The following ZMYND15 variants were observed in gnomAD, a reference collection of about 807,000 sequenced individuals.
ZMYND15 encodes the protein zinc finger MYND domain-containing protein 15.
A neutral mutation model predicts 81.7 loss-of-function variants in ZMYND15; 54 were observed. That is an observed-to-expected ratio of 0.66 (90% CI 0.53 to 0.83). ZMYND15 has a LOEUF of 0.83. ZMYND15 is among the 40% of genes least tolerant of loss of function. ZMYND15 has a pLI of 0.00. For synonymous variants in ZMYND15, 399 were observed against 387.0 expected, an observed-to-expected ratio of 1.03 and a Z score of -0.36; for missense variants, 925 against 973.5, an observed-to-expected ratio of 0.95 and a Z score of 0.66.
chr17:4,740,163 C>A, intron 1 of ZMYND15, 113 bp downstream of exon 1: 2 of 811,112 alleles, frequency 2.5e-6, no homozygotes, highest in Non-Finnish European at 1.5e-6. Context: ...ACAGACGCAT[C>A]CAAAATGCTT....
In ZMYND15 at chr17:4,744,141, G is replaced by T. The variant is rs368530247; in HGVS notation, c.1495+34G>T. 2 of 1,612,790 alleles carry T rather than the reference G, an allele frequency of 1.2e-6. No individual in the cohort carries two copies. The highest frequency in any genetic ancestry group is 1.7e-4 in the Middle Eastern group (1 of 6,060). On this transcript the variant is annotated intron_variant, in intron 8 of 13. Coordinates refer to ENST00000433935, the MANE Select transcript of ZMYND15 (RefSeq NM_001136046.3). The surrounding 1 kb of genome is among the most constrained non-coding windows in gnomAD (Gnocchi z 4.1). The stretch of plus-strand genomic sequence containing the variant: ...AGCGGAGTGGGGGGTGGAGCAGGAT[G>T]GGGGAGTGAGAGTGGACCACATCCT...
intron 5 of ZMYND15, 138 bp downstream of exon 5, chr17:4,742,629 A>AG: frequency 8.2e-7 from 1 of 1,212,336 alleles, no homozygotes; most frequent in Non-Finnish European, 1.1e-6. Context: ...GAACAAGGGC[A>AG]GGGGCTGGGT....
rs750129765 is a variant in ZMYND15 at position 4,743,836 on chromosome 17, G to A, written c.1367G>A (p.Arg456Gln). The change falls in exon 7 of 14, where the codon CGG becomes CAG. Residue 456 changes from arginine to glutamine, a missense_variant. Coordinates refer to ENST00000433935, the MANE Select transcript of ZMYND15 (RefSeq NM_001136046.3). This position sits in a 1 kb window ranked among gnomAD's most constrained non-coding sequence, Gnocchi z 4.3. ...LMPPVPPHPP[R>Q]GVFGSWQDYY... ...CCTCCTGTGCCCCCACATCCACCCC[G>A]GGGTGTTTTTGGTGAGCTGGAGGGG... is the stretch of plus-strand genomic sequence containing the variant. The A allele has an allele frequency of 2.5e-5, 41 of 1,613,816 alleles. No homozygotes were observed. In the Admixed American group the frequency reaches 3.0e-4, roughly 12 times the overall value.
At position 4,740,763 on chromosome 17, in the gene ZMYND15, G is replaced by A; in HGVS notation, c.215G>A (p.Gly72Glu). The A allele has an allele frequency of 6.2e-7, 1 of 1,600,650 alleles. No individual in the cohort carries two copies. The highest frequency in any genetic ancestry group is 1.1e-5 in the South Asian group (1 of 90,246). The change falls in exon 2 of 14, where the codon GGG becomes GAG. Residue 72 changes from glycine to glutamate, a missense_variant. By Grantham distance (98) the Gly-to-Glu change is moderately conservative. Coordinates refer to ENST00000433935, the MANE Select transcript of ZMYND15 (RefSeq NM_001136046.3). ...LPNHSVGISL[G>E]QGAEPGPGPG... The stretch of plus-strand genomic sequence containing the variant: ...AACCATAGTGTGGGCATCAGCCTGG[G>A]GCAAGGGGCAGAACCAGGTCCTGGA...
At position 4,744,152 on chromosome 17, in the gene ZMYND15, AG is replaced by A. The variant is rs1467386012; in HGVS notation, c.1496-37del. 6.2e-7 allele frequency: 1 copy of A among 1,613,270 alleles called. No homozygotes were observed. Among genetic ancestry groups the A allele is most frequent in the Non-Finnish European group, 8.5e-7 (1 of 1,179,376 alleles). On this transcript the variant is annotated intron_variant, in intron 8 of 13. Coordinates refer to ENST00000433935, the MANE Select transcript of ZMYND15 (RefSeq NM_001136046.3). The surrounding 1 kb of genome is among the most constrained non-coding windows in gnomAD (Gnocchi z 4.1). ...GGGTGGAGCAGGATGGGGGAGTGAG[AG>A]TGGACCACATCCTTAAAGCGCTGGT...
intron 4 of ZMYND15, 40 bp downstream of exon 4, chr17:4,742,110 AG>A (rs1265740537): frequency 1.2e-6 from 2 of 1,609,610 alleles, no homozygotes; most frequent in Non-Finnish European, 1.7e-6. Context: ...AGACCCCAAT[AG>A]GCAAATAGAA....
At position 4,745,911 on chromosome 17, in the gene ZMYND15, C is replaced by T. The variant is rs768921006; in HGVS notation, c.2150C>T (p.Thr717Ile). ...PAPGPPPPSP[T>I]PSAPPAPTRR... Reference sequence around the variant, plus strand: ...CCCGGGCCCCCACCCCCATCCCCAACTCCCTCTGCTCCTCCTGCCCCCACC... The same window carrying T: ...CCCGGGCCCCCACCCCCATCCCCAATTCCCTCTGCTCCTCCTGCCCCCACC... The change falls in exon 14 of 14, where the codon ACT (threonine) becomes ATT (isoleucine). Residue 717 changes from threonine to isoleucine, a missense_variant. Thr to Ile is a moderately conservative substitution (Grantham distance 89, BLOSUM62 -1). Transcript: ENST00000433935. This position sits in a 1 kb window ranked among gnomAD's most constrained non-coding sequence, Gnocchi z 5.2. 3.3e-6 allele frequency: 5 copies of T among 1,523,570 alleles called. No individual in the cohort carries two copies. The highest frequency in any genetic ancestry group is 4.4e-6 in the Non-Finnish European group (5 of 1,137,786). 94.4% of individuals were successfully genotyped at this position (1,523,570 alleles called of 1,614,324 possible).
Position 4,745,224 on chromosome 17 carries a change from G to A in ZMYND15, c.1906G>A (p.Val636Met), listed in dbSNP as rs2150631934. 1 of 1,614,046 alleles carries A rather than the reference G, an allele frequency of 6.2e-7. No individual in the cohort carries two copies. Among genetic ancestry groups the A allele is most frequent in the Admixed American group, 1.7e-5 (1 of 60,000 alleles). Residue 636 changes from valine (V) to methionine (M), a missense_variant, in exon 13 of 14, where the codon GTG becomes ATG. Val to Met is a conservative substitution (Grantham distance 21). Transcript: ENST00000433935. This position sits in a 1 kb window ranked among gnomAD's most constrained non-coding sequence, Gnocchi z 5.2. ...RSLPRLQSLR[V>M]PAFFTESSEY... ...TCTCGCTCCACCCCAGTCCCTCCGA[G>A]TGCCAGCCTTCTTCACCGAGAGCAG...
chr17:4,740,574 A>T lies in ZMYND15; in HGVS notation c.26A>T (p.Asp9Val). 11 of 1,604,984 alleles carry T rather than the reference A, an allele frequency of 6.9e-6. No individual in the cohort carries two copies. Among genetic ancestry groups the T allele is most frequent in the Non-Finnish European group, 9.4e-6 (11 of 1,173,750 alleles). Residue 9 changes from aspartate (D) to valine (V), a missense_variant, in exon 2 of 14, where the codon GAT becomes GTT. Transcript: ENST00000433935. Reference protein sequence around the residue: MEFVSGYRDEFLDFTALLF... With the variant: MEFVSGYRVEFLDFTALLF... ...ATGGAGTTTGTGTCTGGATACCGGG[A>T]TGAGTTCCTTGATTTCACTGCCCTT...
Position 4,744,331 on chromosome 17 carries a change from G to C in ZMYND15, c.1585-38G>C. On this transcript the variant is annotated intron_variant, in intron 9 of 13. Transcript: ENST00000433935. This position sits in a 1 kb window ranked among gnomAD's most constrained non-coding sequence, Gnocchi z 4.1. ...GCATTTTGGTATGGGGGTGGGCACA[G>C]GGTAGACCCCAGATCTTTCTTTCTT... 1 of 1,614,020 alleles carries C rather than the reference G, an allele frequency of 6.2e-7. No homozygotes were observed. The highest frequency in any genetic ancestry group is 8.5e-7 in the Non-Finnish European group (1 of 1,179,898).
Position 4,744,856 on chromosome 17 carries a change from C to T in ZMYND15, c.1838-14C>T. The stretch of plus-strand genomic sequence containing the variant: ...CACCGTGGGAGCCAGCTTCTCCCTC[C>T]TCTCTGTCTGCAGGATTTAACTCCG... On this transcript the variant is annotated splice_polypyrimidine_tract_variant and intron_variant, in intron 11 of 13. Coordinates refer to ENST00000433935, the MANE Select transcript of ZMYND15 (RefSeq NM_001136046.3). The surrounding 1 kb of genome is among the most constrained non-coding windows in gnomAD (Gnocchi z 4.1). 2 of 1,609,448 alleles carry T rather than the reference C, an allele frequency of 1.2e-6. No individual in the cohort carries two copies. The highest frequency in any genetic ancestry group is 1.7e-6 in the Non-Finnish European group (2 of 1,179,966).
At chr17:4,741,551 CT>C in intron 2 of ZMYND15, 30 bp from the exon 3 acceptor site, 2 of 1,612,838 alleles carry the variant, frequency 1.2e-6, no homozygotes, top group African/African-American at 2.7e-5. Flanking sequence ...TCGCTGCCCC[CT>C]ACCACCTCAA....
At position 4,745,971 on chromosome 17, in the gene ZMYND15, G is replaced by A. The variant is rs1916653114; in HGVS notation, c.2210G>A (p.Gly737Glu). 2.8e-6 allele frequency: 4 copies of A among 1,445,552 alleles called. No homozygotes were observed. Among genetic ancestry groups the A allele is most frequent in the Non-Finnish European group, 3.6e-6 (4 of 1,104,024 alleles). The allele number at this position is 1,445,552 out of a possible 1,614,324, so 89.5% of individuals were successfully genotyped here. Residue 737 changes from glycine (G) to glutamate (E), a missense_variant, in exon 14 of 14, where the codon GGG (glycine) becomes GAG (glutamate). Transcript: ENST00000433935. The surrounding 1 kb of genome is among the most constrained non-coding windows in gnomAD (Gnocchi z 5.2). ...CGAGGAGAAAAGAAACCTGGGCGGG[G>A]GGCCCGCCGGCGGAAATGAATGCTG... ...RRRGEKKPGR[G>E]ARRRK
rs1417030142 is a variant in ZMYND15 at position 4,744,322 on chromosome 17, G to C, written c.1584+44G>C. ...GAAGGTTGGGCATTTTGGTATGGGG[G>C]TGGGCACAGGGTAGACCCCAGATCT... On this transcript the variant is annotated intron_variant, in intron 9 of 13. Transcript: ENST00000433935. This position sits in a 1 kb window ranked among gnomAD's most constrained non-coding sequence, Gnocchi z 4.1. 6 of 1,613,856 alleles carry C rather than the reference G, an allele frequency of 3.7e-6. No homozygotes were observed. The highest frequency in any genetic ancestry group is 5.1e-6 in the Non-Finnish European group (6 of 1,179,832).
chr17:4,744,785 G>C lies in ZMYND15; in HGVS notation c.1837+7G>C. On this transcript the variant is annotated splice_region_variant and intron_variant, in intron 11 of 13. Coordinates refer to ENST00000433935, the MANE Select transcript of ZMYND15 (RefSeq NM_001136046.3). This position sits in a 1 kb window ranked among gnomAD's most constrained non-coding sequence, Gnocchi z 4.1. The stretch of plus-strand genomic sequence containing the variant: ...AAGCCTGACCTGGTTATTGGTAAAA[G>C]CCTGGGTCTCAGGGTTAGGCATGTG... 1 of 1,614,170 alleles carries C rather than the reference G, an allele frequency of 6.2e-7. No homozygotes were observed. Among genetic ancestry groups the C allele is most frequent in the Non-Finnish European group, 8.5e-7 (1 of 1,180,012 alleles).
chr17:4,739,936 G>C lies in ZMYND15; in HGVS notation c.-145G>C, dbSNP rs1916305987. The stretch of plus-strand genomic sequence containing the variant: ...GCCACCCGCGGACGCACCGAGCCCG[G>C]GGGGCGTGGCCGCCCGCTGAGCCGG... On this transcript the variant is annotated 5_prime_UTR_variant, in exon 1 of 14. Coordinates refer to ENST00000433935, the MANE Select transcript of ZMYND15 (RefSeq NM_001136046.3). This position sits in a 1 kb window ranked among gnomAD's most constrained non-coding sequence, Gnocchi z 5.3. 1 of 985,174 alleles carries C rather than the reference G, an allele frequency of 1.0e-6. No individual in the cohort carries two copies. Among genetic ancestry groups the C allele is most frequent in the African/African-American group, 1.7e-5 (1 of 57,216 alleles). 61.0% of individuals were successfully genotyped at this position (985,174 alleles called of 1,614,324 possible).
In ZMYND15 at chr17:4,746,002, C is replaced by T. The variant is rs1916655056; in HGVS notation, c.*12C>T. 7.0e-7 allele frequency: 1 copy of T among 1,422,024 alleles called. No individual in the cohort carries two copies. Among genetic ancestry groups the T allele is most frequent in the Non-Finnish European group, 9.2e-7 (1 of 1,089,946 alleles). 88.1% of individuals were successfully genotyped at this position (1,422,024 alleles called of 1,614,324 possible). On this transcript the variant is annotated 3_prime_UTR_variant, in exon 14 of 14. Transcript: ENST00000433935. ...GCCGGCGGAAATGAATGCTGATACC[C>T]TAGTAGTCCCCAGCTCCCAAACACT... is the stretch of plus-strand genomic sequence containing the variant.
rs1916501334 is a variant in ZMYND15, at chr17:4,743,169, G to A, written c.1145-134G>A. On this transcript the variant is annotated intron_variant, in intron 5 of 13. Coordinates refer to ENST00000433935, the MANE Select transcript of ZMYND15 (RefSeq NM_001136046.3). This position sits in a 1 kb window ranked among gnomAD's most constrained non-coding sequence, Gnocchi z 4.3. Reference sequence around the variant, plus strand: ...TGGGAGAATCGTTTGAGTCCAAGAGGTCGAGGCTGTAGTGTCCCGTGATCA... The same window carrying A: ...TGGGAGAATCGTTTGAGTCCAAGAGATCGAGGCTGTAGTGTCCCGTGATCA... 1.9e-6 allele frequency: 2 copies of A among 1,050,564 alleles called. No homozygotes were observed. The highest frequency in any genetic ancestry group is 1.6e-5 in the South Asian group (1 of 61,092). The allele number at this position is 1,050,564 out of a possible 1,614,324, so 65.1% of individuals were successfully genotyped here.
In ZMYND15 at chr17:4,745,872, G is replaced by A. The variant is rs758759191; in HGVS notation, c.2111G>A (p.Gly704Glu). Residue 704 changes from glycine to glutamate, a missense_variant, in exon 14 of 14, where the codon GGG becomes GAG. Coordinates refer to ENST00000433935, the MANE Select transcript of ZMYND15 (RefSeq NM_001136046.3). The surrounding 1 kb of genome is among the most constrained non-coding windows in gnomAD (Gnocchi z 5.2). ...GTTTACAAGCCTGCTCAAGGGAGCGGGGCCCGCCCGGCGCCCGGGCCCCCA... is the reference window on the plus strand; with the variant it reads ...GTTTACAAGCCTGCTCAAGGGAGCGAGGCCCGCCCGGCGCCCGGGCCCCCA... ...HLVYKPAQGS[G>E]ARPAPGPPPP... 3 of 1,582,602 alleles carry A rather than the reference G, an allele frequency of 1.9e-6. No homozygotes were observed. The Admixed American group carries it at 5.4e-5, about 28-fold the overall frequency.
Sources: allele counts gnomAD v4.1 joint callset, GRCh38; gene constraint gnomAD v4.1.1; non-coding constraint Gnocchi (gnomAD v3.1); transcripts MANE v1.5; gene names NCBI Gene and HGNC (gene_info 2026-07-23, HGNC 2026-07-21).